Variants in WASHC3 observed in about 807,000 individuals in gnomAD.
The protein encoded by WASHC3 is WASH complex subunit CCDC53.
Under a neutral mutation model 26.1 loss-of-function variants are expected in WASHC3, and 24 were observed. The observed-to-expected ratio is 0.92, with a 90% confidence interval of 0.66 to 1.29. WASHC3 has a LOEUF of 1.29. Among genes scored for constraint, WASHC3 ranks in the 50% most tolerant of loss-of-function variants. The probability of loss-of-function intolerance (pLI) is 0.00; values close to 1 mark genes in which losing one functional copy is unlikely to be tolerated. For missense variants in WASHC3, 214 were observed against 229.6 expected (o/e 0.93, Z 0.44); for synonymous variants, 77 against 75.7 (o/e 1.02, Z -0.09).
chr12:102,016,182 G>A (rs914148774), intron 6 of WASHC3, among the ~76,000 whole-genome samples: 5 of 151,932 alleles, frequency 3.3e-5, no homozygotes, highest in South Asian at 2.1e-4. Context: ...GAGCCACAGC[G>A]TCCAGCCTCT....
intron 6 of WASHC3, among the ~76,000 whole-genome samples, chr12:102,024,063 A>C (rs1258096166): frequency 5.3e-5 from 8 of 152,144 alleles, no homozygotes; most frequent in Non-Finnish European, 1.2e-4. Context: ...CACAGAGAGA[A>C]AGGAAAACAT....
At chr12:102,019,959 A>T (rs901645271) in intron 6 of WASHC3, among the ~76,000 whole-genome samples, 7 of 152,142 alleles carry the variant, frequency 4.6e-5, no homozygotes, top group Admixed American at 2.6e-4. Context: ...GAAGGTTGTC[A>T]ACTAGAATCC....
chr12:102,024,640 T>C (rs746171687), intron 6 of WASHC3, among the ~76,000 whole-genome samples: 9 of 152,200 alleles, frequency 5.9e-5, no homozygotes, highest in Non-Finnish European at 1.0e-4. Context: ...CTGATGCTTA[T>C]AGGGTGCTAG....
intron 5 of WASHC3, among the ~76,000 whole-genome samples, chr12:102,034,164 CT>C (rs1364657852): frequency 1.3e-5 from 2 of 152,222 alleles, no homozygotes; most frequent in East Asian, 3.9e-4. Flanking sequence ...CTATATCCCC[CT>C]GAACCCTGTT....
At chr12:102,026,290 T>C (rs1315965163) in intron 5 of WASHC3, among the ~76,000 whole-genome samples, 3 of 152,146 alleles carry the variant, frequency 2.0e-5, no homozygotes, top group African/African-American at 7.2e-5. Flanking sequence ...CTAATTCTGC[T>C]GTATACAGAA....
At chr12:102,038,297 A>C (rs985211484) in intron 5 of WASHC3, among the ~76,000 whole-genome samples, 1 of 152,242 alleles carries the variant, frequency 6.6e-6, no homozygotes, top group Non-Finnish European at 1.5e-5. Flanking sequence ...GGATTTAAAA[A>C]GAAAAAGATT....
At chr12:102,044,782 A>G (rs532675409) in intron 3 of WASHC3, among the ~76,000 whole-genome samples, 5 of 152,264 alleles carry the variant, frequency 3.3e-5, no homozygotes, top group African/African-American at 1.2e-4. Context: ...TCTTCTATGC[A>G]AAAAAATGGG....
At chr12:102,022,574 G>A (rs1877004975) in intron 6 of WASHC3, among the ~76,000 whole-genome samples, 1 of 152,118 alleles carries the variant, frequency 6.6e-6, no homozygotes, top group African/African-American at 2.4e-5. Flanking sequence ...CAAGTAGGTA[G>A]ACCATCTGAA....
intron 2 of WASHC3, among the ~76,000 whole-genome samples, chr12:102,053,280 A>T (rs534252996): frequency 6.6e-6 from 1 of 151,456 alleles, no homozygotes; most frequent in East Asian, 2.0e-4. Context: ...TTGGAACCCT[A>T]AGGATCCAGG....
At chr12:102,051,144 A>G (rs1403591515) in intron 2 of WASHC3, among the ~76,000 whole-genome samples, 3 of 152,250 alleles carry the variant, frequency 2.0e-5, no homozygotes, top group Non-Finnish European at 2.9e-5. Context: ...TTCAAACTTA[A>G]TTCTGGCTTG....
At chr12:102,039,812 G>C (rs902894663) in intron 5 of WASHC3, 56 bp downstream of exon 5, 1 of 763,054 alleles carries the variant, frequency 1.3e-6, no homozygotes. Context: ...AAACCTCCAG[G>C]GTTAAGAATT....
upstream of WASHC3, chr12:102,062,074 C>T: frequency 1.1e-6 from 1 of 872,232 alleles, no homozygotes; most frequent in Admixed American, 2.6e-5. Context: ...CCTCCGGGGC[C>T]CTTCCCGCCG....
At chr12:102,054,273 A>C (rs1448455069) in intron 2 of WASHC3, among the ~76,000 whole-genome samples, 2 of 152,236 alleles carry the variant, frequency 1.3e-5, no homozygotes, top group Non-Finnish European at 2.9e-5. Context: ...AAATTCTCTG[A>C]TCAAAAGACA....
In WASHC3 at chr12:102,046,073, A is replaced by G. The variant is rs767085745; in HGVS notation, c.197T>C (p.Leu66Pro). 5.3e-5 allele frequency: 85 copies of G among 1,594,790 alleles called. No individual in the cohort carries two copies. The highest frequency in any genetic ancestry group is 6.9e-5 in the Non-Finnish European group (80 of 1,167,204). ...SLRIQQIETT[L>P]NILDAKLSSI... ...ACCAACCTTTGCATCTAAAATATTG[A>G]GAGTTGTTTCAATTTGTTGGATACG... The change falls in exon 3 of 7, where the codon CTC becomes CCC. Residue 66 changes from leucine to proline, a missense_variant. Coordinates refer to ENST00000240079, the MANE Select transcript of WASHC3 (RefSeq NM_016053.4).
chr12:102,057,594 C>T lies in WASHC3; in HGVS notation c.150+3654G>A, dbSNP rs185084304. ...AGCTGCAGGATATAAAATCAACATA[C>T]AAAAATCAGTAGCATTTCTATACAC... On this transcript the variant is annotated intron_variant, in intron 2 of 6. Transcript: ENST00000240079. 5.9e-3 allele frequency among the ~76,000 whole-genome samples: 890 copies of T among 150,862 alleles called. 10 individuals are homozygous for T. The highest frequency in any genetic ancestry group is 0.02 in the African/African-American group (834 of 41,078).
At chr12:102,047,845 G>A (rs1878227028) in intron 2 of WASHC3, among the ~76,000 whole-genome samples, 1 of 151,990 alleles carries the variant, frequency 6.6e-6, no homozygotes, top group South Asian at 2.1e-4. Flanking sequence ...TGCTACATAT[G>A]GTACAGTGTA....
chr12:102,022,318 A>G (rs1876994211), intron 6 of WASHC3, among the ~76,000 whole-genome samples: 1 of 152,254 alleles, frequency 6.6e-6, no homozygotes, highest in East Asian at 1.9e-4. Context: ...AGCCTGATAA[A>G]TCCATTGCCT....
At chr12:102,037,791 T>G (rs1877729855) in intron 5 of WASHC3, among the ~76,000 whole-genome samples, 1 of 151,904 alleles carries the variant, frequency 6.6e-6, no homozygotes, top group Non-Finnish European at 1.5e-5. Context: ...GTTTTTTTTT[T>G]GTTTTTTGTT....
intron 5 of WASHC3, among the ~76,000 whole-genome samples, chr12:102,038,704 T>C (rs1877786253): frequency 2.0e-5 from 3 of 152,158 alleles, no homozygotes; most frequent in Non-Finnish European, 4.4e-5. Context: ...TTTATTTTTT[T>C]CTAAATTGAC....
Sources: allele counts gnomAD v4.1 joint callset (sites outside exome capture counted in the v4.1 genomes callset), GRCh38; gene constraint gnomAD v4.1.1; transcripts MANE v1.5; gene names NCBI Gene and HGNC (gene_info 2026-07-23, HGNC 2026-07-21).